Variants in RORA observed in about 807,000 individuals in gnomAD.
RORA encodes RAR related orphan receptor A, also known as nuclear receptor ROR-alpha.
A neutral mutation model predicts 69.5 loss-of-function variants in RORA; 7 were observed. The ratio of observed to expected loss-of-function variants is 0.10; its 90% CI spans 0.06 to 0.19. The LOEUF (loss-of-function observed/expected upper bound fraction) is 0.19. Among genes scored for constraint, RORA ranks in the 10% least tolerant of loss-of-function variants. The pLI is 1.00. For synonymous variants in RORA, 261 were observed against 240.8 expected (o/e 1.08, Z -0.78); for missense variants, 457 against 663.0 (o/e 0.69, Z 3.41).
chr15:60,874,272 G>C (rs1206977937), intron 1 of RORA, among the ~76,000 whole-genome samples: 3 of 152,062 alleles, frequency 2.0e-5, no homozygotes, highest in Non-Finnish European at 2.9e-5. Context: ...GTTGAAGTTA[G>C]AAACAAAATG....
intron 1 of RORA, among the ~76,000 whole-genome samples, chr15:61,122,701 G>GAAT (rs1414835849): frequency 1.3e-5 from 2 of 152,082 alleles, no homozygotes; most frequent in African/African-American, 4.8e-5. Context: ...TTTTAAGACA[G>GAAT]GTGTCTGGAA....
chr15:61,127,213 C>T (rs1217005276), intron 1 of RORA, among the ~76,000 whole-genome samples: 2 of 152,192 alleles, frequency 1.3e-5, no homozygotes, highest in Non-Finnish European at 2.9e-5. Flanking sequence ...CAATGCTTGG[C>T]AGTTTTTCTC....
chr15:61,160,433 A>G (rs1443455490), intron 1 of RORA, among the ~76,000 whole-genome samples: 1 of 152,180 alleles, frequency 6.6e-6, no homozygotes, highest in Non-Finnish European at 1.5e-5. Flanking sequence ...ATTTCACACT[A>G]TAGCTATCTT....
intron 1 of RORA, chr15:60,686,747 T>C (rs926113193): frequency 6.6e-6 from 1 of 152,262 alleles, no homozygotes; most frequent in African/African-American, 2.4e-5. Context: ...GAACTGTCTG[T>C]GGGTGACTTG....
rs573622830 is a variant in RORA, at chr15:60,687,622, C to T, written c.167-8936G>A. Among the ~76,000 whole-genome samples the T allele has an allele frequency of 3.0e-4, 45 of 152,250 alleles. 1 individual carries two copies. The highest frequency in any genetic ancestry group is 6.2e-4 in the South Asian group (3 of 4,814). Reference sequence around the variant, plus strand: ...CAAAAACATTAGCTAGCCATGGTGGCGCATGCCTGAAGTCCCAGCTGCTCA... The same window carrying T: ...CAAAAACATTAGCTAGCCATGGTGGTGCATGCCTGAAGTCCCAGCTGCTCA... On this transcript the variant is annotated intron_variant, in intron 1 of 10. Coordinates refer to ENST00000335670, the MANE Select transcript of RORA (RefSeq NM_134261.3).
intron 5 of RORA, 109 bp from the exon 6 acceptor site, chr15:60,505,738 A>G: frequency 7.9e-7 from 1 of 1,263,294 alleles, no homozygotes; most frequent in Non-Finnish European, 1.1e-6. Flanking sequence ...GTGCTGTGCG[A>G]GTTTTGACTG....
intron 1 of RORA, among the ~76,000 whole-genome samples, chr15:60,833,586 T>C (rs761803861): frequency 1.1e-4 from 16 of 150,410 alleles, no homozygotes; most frequent in Non-Finnish European, 2.4e-4. Flanking sequence ...TAAAAAACTC[T>C]TCTCTTTTCC....
At chr15:61,052,778 T>C (rs1376354078) in intron 1 of RORA, among the ~76,000 whole-genome samples, 1 of 152,044 alleles carries the variant, frequency 6.6e-6, no homozygotes, top group Non-Finnish European at 1.5e-5. Flanking sequence ...AGAAAAGAGG[T>C]ACAAAGAGAC....
At position 60,493,793 on chromosome 15, in the gene RORA, GTC is replaced by G. The variant is rs1359947547; in HGVS notation, c.*3660_*3661del. Reference sequence around the variant, plus strand: ...TTATAGAAGGGTTAAAAAAATAGAAGTCTCTCTAAAGTGGTCCAGACAAGGCT... The same window carrying G: ...TTATAGAAGGGTTAAAAAAATAGAAGTCTCTAAAGTGGTCCAGACAAGGCT... On this transcript the variant is annotated 3_prime_UTR_variant, in exon 11 of 11. Coordinates refer to ENST00000335670, the MANE Select transcript of RORA (RefSeq NM_134261.3). The G allele has an allele frequency of 1.3e-5, 2 of 151,984 alleles. No homozygotes were observed. Among genetic ancestry groups the G allele is most frequent in the Non-Finnish European group, 2.9e-5 (2 of 68,006 alleles). The allele number at this position is 151,984 out of a possible 1,614,324, so 9.4% of individuals were successfully genotyped here.
intron 3 of RORA, among the ~76,000 whole-genome samples, chr15:60,515,919 A>ATT (rs553687432): frequency 3.3e-5 from 2 of 61,366 alleles, no homozygotes; most frequent in African/African-American, 2.2e-4. Context: ...TTGTATTTAT[A>ATT]TATATATTTA....
intron 1 of RORA, among the ~76,000 whole-genome samples, chr15:61,039,770 G>A (rs1383666136): frequency 6.7e-6 from 1 of 148,740 alleles, no homozygotes; most frequent in Non-Finnish European, 1.5e-5. Context: ...AAAATAGATG[G>A]ACCAGCTTGA....
intron 1 of RORA, among the ~76,000 whole-genome samples, chr15:61,081,102 T>C (rs2078532492): frequency 6.6e-6 from 1 of 152,186 alleles, no homozygotes; most frequent in East Asian, 1.9e-4. Flanking sequence ...TACATACATA[T>C]TTCTGGTAAG....
At chr15:61,180,458 C>T (rs1005502755) in intron 1 of RORA, among the ~76,000 whole-genome samples, 6 of 152,154 alleles carry the variant, frequency 3.9e-5, no homozygotes, top group African/African-American at 1.4e-4. Context: ...GTCATTTGTG[C>T]GGACCAATTA....
At chr15:61,154,633 C>T (rs906913226) in intron 1 of RORA, among the ~76,000 whole-genome samples, 9 of 152,126 alleles carry the variant, frequency 5.9e-5, no homozygotes, top group African/African-American at 1.4e-4. Flanking sequence ...AACTTTACTT[C>T]GTAAATTACA....
chr15:61,162,962 C>T (rs1258478975), intron 1 of RORA, among the ~76,000 whole-genome samples: 1 of 152,172 alleles, frequency 6.6e-6, no homozygotes, highest in African/African-American at 2.4e-5. Flanking sequence ...TCACTCACCG[C>T]ACTCAGCAGA....
Position 60,671,901 on chromosome 15 carries a change from C to T in RORA, c.196+6756G>A, listed in dbSNP as rs542660525. Reference sequence around the variant, plus strand: ...TGCTGGGATTACAGGGGTGAGCCACCAAGCCCAGCCAGCAAGACCCTGTCT... The same window carrying T: ...TGCTGGGATTACAGGGGTGAGCCACTAAGCCCAGCCAGCAAGACCCTGTCT... On this transcript the variant is annotated intron_variant, in intron 2 of 10. Transcript: ENST00000335670. Among the ~76,000 whole-genome samples the T allele has an allele frequency of 2.4e-4, 36 of 151,916 alleles. 1 individual carries two copies. In the South Asian group the frequency reaches 7.3e-3, roughly 31 times the overall value.
At chr15:60,879,460 T>C (rs1162035862) in intron 1 of RORA, among the ~76,000 whole-genome samples, 1 of 152,198 alleles carries the variant, frequency 6.6e-6, no homozygotes, top group African/African-American at 2.4e-5. Flanking sequence ...TATTAGCTGC[T>C]CGTGTTAGTG....
In RORA at chr15:60,490,841, G is replaced by A. The variant is rs769266091; in HGVS notation, c.*6614C>T. The A allele has an allele frequency of 2.0e-5, 3 of 152,096 alleles. No homozygotes were observed. The highest frequency in any genetic ancestry group is 2.9e-5 in the Non-Finnish European group (2 of 68,006). The allele number at this position is 152,096 out of a possible 1,614,324, so 9.4% of individuals were successfully genotyped here. ...GTTTGCAAATAAACCACCTAACACT[G>A]CAGTTCTTTATACATATTAAAAGCC... On this transcript the variant is annotated 3_prime_UTR_variant, in exon 11 of 11. Transcript: ENST00000335670. The surrounding 1 kb of genome is among the most constrained non-coding windows in gnomAD (Gnocchi z 4.1).
intron 2 of RORA, among the ~76,000 whole-genome samples, chr15:60,583,124 G>A (rs1049136946): frequency 1.3e-5 from 2 of 152,116 alleles, no homozygotes; most frequent in Non-Finnish European, 2.9e-5. Context: ...GGCTGGTGTC[G>A]CAGTGTGGAA....
Sources: gnomAD v4.1 joint callset for allele counts (sites outside exome capture counted in the v4.1 genomes callset) on GRCh38, gnomAD v4.1.1 for gene constraint, Gnocchi (gnomAD v3.1) non-coding constraint, MANE v1.5 for transcripts, NCBI Gene and HGNC (gene_info 2026-07-23, HGNC 2026-07-21) for gene names.